The following RBFOX1 variants were observed in gnomAD, a reference collection of about 807,000 sequenced individuals.
RBFOX1 encodes RNA binding fox-1 homolog 1, also known as RNA binding protein fox-1 homolog 1.
RBFOX1 carries 8 observed loss-of-function variants against 57.7 expected under a neutral mutation model. The ratio of observed to expected loss-of-function variants is 0.14; its 90% CI spans 0.08 to 0.25. The LOEUF is 0.25. Ranked by LOEUF, RBFOX1 falls within the 10% of genes least tolerant of loss-of-function variation. RBFOX1 has a pLI of 1.00. For synonymous variants in RBFOX1, 326 were observed against 222.4 expected, an observed-to-expected ratio of 1.47 and a Z score of -4.15; for missense variants, 611 against 548.5, an observed-to-expected ratio of 1.11 and a Z score of -1.14.
intron 4 of RBFOX1, among the ~76,000 whole-genome samples, chr16:5,989,842 TAACA>T (rs1387408495): frequency 1.2e-4 from 4 of 34,448 alleles, no homozygotes; most frequent in Admixed American, 7.7e-4. Context: ...TAACACCCCC[TAACA>T]CACACACACA....
rs78261411 is a variant in RBFOX1 at position 6,028,646 on chromosome 16, A to C, written c.-127+8654A>C. 4.3e-3 allele frequency among the ~76,000 whole-genome samples: 647 copies of C among 151,960 alleles called. 5 individuals are homozygous for C. Among genetic ancestry groups the C allele is most frequent in the African/African-American group, 0.015 (619 of 41,434 alleles). Reference sequence around the variant, plus strand: ...CTATGAGCTGTAATTGTGCCACTGCACTCCATCCTTGGCAACAGAGCAAGA... The same window carrying C: ...CTATGAGCTGTAATTGTGCCACTGCCCTCCATCCTTGGCAACAGAGCAAGA... On this transcript the variant is annotated intron_variant, in intron 1 of 15. Transcript: ENST00000550418.
chr16:6,878,485 A>C (rs753247706), intron 3 of RBFOX1, among the ~76,000 whole-genome samples: 10 of 152,208 alleles, frequency 6.6e-5, no homozygotes, highest in Non-Finnish European at 1.2e-4. Flanking sequence ...TCCATGATGG[A>C]CATGTGATAT....
At chr16:7,037,089 T>C (rs1415462765) in intron 3 of RBFOX1, among the ~76,000 whole-genome samples, 1 of 152,190 alleles carries the variant, frequency 6.6e-6, no homozygotes, top group Non-Finnish European at 1.5e-5. Context: ...TGGTGGGTTT[T>C]GGCTGGCTTC....
intron 3 of RBFOX1, among the ~76,000 whole-genome samples, chr16:5,839,618 C>T (rs1052664866): frequency 6.6e-6 from 1 of 152,184 alleles, no homozygotes; most frequent in Non-Finnish European, 1.5e-5. Flanking sequence ...ATACTGGAGT[C>T]AGGTGGTTCC....
intron 4 of RBFOX1, among the ~76,000 whole-genome samples, chr16:7,202,699 G>C (rs1231193889): frequency 6.6e-6 from 1 of 152,160 alleles, no homozygotes; most frequent in Non-Finnish European, 1.5e-5. Context: ...ACTCTTTTGT[G>C]AACTCTGCAT....
intron 1 of RBFOX1, among the ~76,000 whole-genome samples, chr16:5,306,705 G>T (rs1018244450): frequency 2.0e-5 from 3 of 152,186 alleles, no homozygotes; most frequent in African/African-American, 7.2e-5. Context: ...GCTTCCGAGA[G>T]AGCACGCCCA....
At chr16:5,682,610 C>T (rs952466177) in intron 3 of RBFOX1, among the ~76,000 whole-genome samples, 1 of 152,178 alleles carries the variant, frequency 6.6e-6, no homozygotes, top group Admixed American at 6.5e-5. Flanking sequence ...CCCCATTGTA[C>T]AGATCATGCA....
At chr16:6,000,603 G>C (rs1224953911) in intron 4 of RBFOX1, among the ~76,000 whole-genome samples, 1 of 152,070 alleles carries the variant, frequency 6.6e-6, no homozygotes, top group Non-Finnish European at 1.5e-5. Flanking sequence ...CCAGGAAATA[G>C]AATTACTTAA....
chr16:5,789,462 C>T (rs2054616204), intron 3 of RBFOX1, among the ~76,000 whole-genome samples: 1 of 151,998 alleles, frequency 6.6e-6, no homozygotes, highest in Non-Finnish European at 1.5e-5. Flanking sequence ...TGTGCATGGG[C>T]ATGTATGGGT....
At chr16:5,343,375 C>T (rs1018209263) in intron 1 of RBFOX1, among the ~76,000 whole-genome samples, 10 of 137,262 alleles carry the variant, frequency 7.3e-5, no homozygotes, top group East Asian at 4.6e-4. Flanking sequence ...AGTACAGTGG[C>T]GTGATCTCAG....
intron 2 of RBFOX1, among the ~76,000 whole-genome samples, chr16:6,331,587 T>C (rs139777808): frequency 0.011 from 1,304 of 118,656 alleles, 22 homozygotes; most frequent in African/African-American, 0.04. Flanking sequence ...TGTATATATA[T>C]ATGTGTGTGT....
chr16:6,439,363 A>C (rs2094318149), intron 2 of RBFOX1, among the ~76,000 whole-genome samples: 1 of 152,200 alleles, frequency 6.6e-6, no homozygotes, highest in Non-Finnish European at 1.5e-5. Context: ...GGAGTGTCAC[A>C]GGCATGATTA....
At chr16:5,461,335 T>C (rs1242945225) in intron 1 of RBFOX1, among the ~76,000 whole-genome samples, 1 of 152,192 alleles carries the variant, frequency 6.6e-6, no homozygotes, top group East Asian at 1.9e-4. Context: ...CTGCCTCTCC[T>C]AGCGTTTCCC....
intron 5 of RBFOX1, among the ~76,000 whole-genome samples, chr16:7,536,683 A>G (rs552102126): frequency 3.3e-5 from 5 of 152,238 alleles, no homozygotes; most frequent in South Asian, 2.1e-4. Flanking sequence ...AGATGTGGAA[A>G]CAAGATGCAG....
At chr16:7,535,319 C>T (rs1032059679) in intron 5 of RBFOX1, among the ~76,000 whole-genome samples, 2 of 152,194 alleles carry the variant, frequency 1.3e-5, no homozygotes, top group African/African-American at 2.4e-5. Context: ...TCTGCCTTCA[C>T]GGTCACTTAG....
chr16:7,095,691 G>A (rs775500279), intron 4 of RBFOX1, among the ~76,000 whole-genome samples: 17 of 152,144 alleles, frequency 1.1e-4, no homozygotes, highest in Admixed American at 8.5e-4. Context: ...TTGATCACTC[G>A]ATAAGTAGCA....
At chr16:5,833,998 A>G (rs957771646) in intron 3 of RBFOX1, among the ~76,000 whole-genome samples, 1 of 152,216 alleles carries the variant, frequency 6.6e-6, no homozygotes, top group Non-Finnish European at 1.5e-5. Flanking sequence ...CTGCAAATGC[A>G]CATAAAACAG....
intron 4 of RBFOX1, among the ~76,000 whole-genome samples, chr16:5,890,046 G>C (rs1266596238): frequency 6.6e-6 from 1 of 152,120 alleles, no homozygotes; most frequent in Non-Finnish European, 1.5e-5. Flanking sequence ...GTGTTGACTG[G>C]CAGTTCCGTG....
chr16:6,887,428 G>A (rs942394425), intron 3 of RBFOX1, among the ~76,000 whole-genome samples: 2 of 152,012 alleles, frequency 1.3e-5, no homozygotes, highest in African/African-American at 2.4e-5. Flanking sequence ...ATCATCTGTG[G>A]GCTCCATGAA....
Sources: allele counts gnomAD v4.1 joint callset (sites outside exome capture counted in the v4.1 genomes callset), GRCh38; gene constraint gnomAD v4.1.1; transcripts MANE v1.5; gene names NCBI Gene and HGNC (gene_info 2026-07-23, HGNC 2026-07-21).